The following FGF12 variants were observed in gnomAD, a reference collection of about 807,000 sequenced individuals.
FGF12 encodes the protein fibroblast growth factor 12B.
Under a neutral mutation model 23.6 loss-of-function variants are expected in FGF12, and 14 were observed. The observed-to-expected ratio is 0.59, with a 90% CI of 0.39 to 0.93. The LOEUF is 0.93. Ranked by LOEUF, FGF12 falls within the 40% of genes least tolerant of loss-of-function variation. The pLI, the probability that FGF12 is intolerant of heterozygous loss-of-function variation, is 0.00. For synonymous variants in FGF12, 62 were observed against 77.3 expected (o/e 0.80, Z 1.04); for missense variants, 175 against 217.8 (o/e 0.80, Z 1.24).
chr3:192,220,808 G>T (rs2108572576), intron 4 of FGF12, among the ~76,000 whole-genome samples: 1 of 152,278 alleles, frequency 6.6e-6, no homozygotes, highest in East Asian at 1.9e-4. Context: ...TTCTTTGAAG[G>T]ATTTTTGAAC....
chr3:192,483,151 C>G (rs1401146934), intron 2 of FGF12, among the ~76,000 whole-genome samples: 1 of 152,176 alleles, frequency 6.6e-6, no homozygotes, highest in Non-Finnish European at 1.5e-5. Context: ...ACTTACATAT[C>G]TTGGCTCTTG....
At chr3:192,293,821 T>C in intron 4 of FGF12, among the ~76,000 whole-genome samples, 1 of 152,348 alleles carries the variant, frequency 6.6e-6, no homozygotes, top group East Asian at 1.9e-4. Flanking sequence ...ACAATATAAC[T>C]TTATTTCTTA....
chr3:192,374,377 C>T (rs1396461374), intron 2 of FGF12, among the ~76,000 whole-genome samples: 1 of 152,130 alleles, frequency 6.6e-6, no homozygotes, highest in African/African-American at 2.4e-5. Flanking sequence ...ATAAGATTTT[C>T]TTCTTTAACT....
At chr3:192,707,687 A>C (rs997635621) in intron 2 of FGF12, among the ~76,000 whole-genome samples, 1 of 142,972 alleles carries the variant, frequency 7.0e-6, no homozygotes, top group East Asian at 2.3e-4. Context: ...TGGAGATTGC[A>C]ATAAGCCAAG....
rs556244053 is a variant in FGF12, at chr3:192,602,845, C to T, written c.13+124336G>A. On this transcript the variant is annotated intron_variant, in intron 2 of 5. Transcript: ENST00000445105. ...ACACAAAAAGTCAATTTACTATGAT[C>T]AAGTAAGCTTCTTTCCTAGGAGGCA... is the stretch of plus-strand genomic sequence containing the variant. Among the ~76,000 whole-genome samples the T allele has an allele frequency of 4.6e-5, 7 of 152,092 alleles. No individual in the cohort carries two copies. In the South Asian group the frequency reaches 1.2e-3, roughly 27 times the overall value.
rs1481256848 is a variant in FGF12, at chr3:192,408,802, G to T, written c.14-48264C>A. On this transcript the variant is annotated intron_variant, in intron 2 of 5. Coordinates refer to ENST00000445105, the MANE Select transcript of FGF12 (RefSeq NM_004113.6). The surrounding 1 kb of genome is among the most constrained non-coding windows in gnomAD (Gnocchi z 7.3). ...AGAAAACAAGCCACCAACCGCACGA[G>T]AGAAGGAGAGGAAGGCAGCAATTTA... 8.1e-6 allele frequency: 8 copies of T among 985,932 alleles called. No individual in the cohort carries two copies. The highest frequency in any genetic ancestry group is 9.6e-6 in the Non-Finnish European group (8 of 830,326). 61.1% of individuals were successfully genotyped at this position (985,932 alleles called of 1,614,324 possible).
intron 2 of FGF12, among the ~76,000 whole-genome samples, chr3:192,513,745 T>C (rs1161653470): frequency 6.6e-6 from 1 of 152,224 alleles, no homozygotes; most frequent in Non-Finnish European, 1.5e-5. Context: ...AAGACACTTG[T>C]CTAGATGTAT....
intron 2 of FGF12, among the ~76,000 whole-genome samples, chr3:192,392,918 A>C (rs528942721): frequency 6.6e-6 from 1 of 152,198 alleles, no homozygotes; most frequent in African/African-American, 2.4e-5. Flanking sequence ...AGACTCTGTG[A>C]TTACAATGTT....
Position 192,499,506 on chromosome 3 carries a change from A to G in FGF12, c.14-138968T>C, listed in dbSNP as rs1415473473. Among the ~76,000 whole-genome samples, 183 of 30,382 alleles carry G rather than the reference A, an allele frequency of 6.0e-3. 3 individuals carry two copies. The highest frequency in any genetic ancestry group is 0.023 in the African/African-American group (155 of 6,882). The allele number at this position is 30,382 out of a possible 152,430, so 19.9% of individuals were successfully genotyped here. On this transcript the variant is annotated intron_variant, in intron 2 of 5. Coordinates refer to ENST00000445105, the MANE Select transcript of FGF12 (RefSeq NM_004113.6). Reference sequence around the variant, plus strand: ...GTTGCTAGCATCCATATATATATATATATATATATATTTTTTTTTTTTTTT... The same window carrying G: ...GTTGCTAGCATCCATATATATATATGTATATATATATTTTTTTTTTTTTTT...
At chr3:192,236,669 C>T (rs1489562804) in intron 4 of FGF12, among the ~76,000 whole-genome samples, 1 of 152,048 alleles carries the variant, frequency 6.6e-6, no homozygotes, top group East Asian at 1.9e-4. Context: ...TAATAATAGC[C>T]ACACCTGCTC....
chr3:192,344,125 T>C (rs2108712502), intron 3 of FGF12, among the ~76,000 whole-genome samples: 1 of 152,292 alleles, frequency 6.6e-6, no homozygotes, highest in East Asian at 1.9e-4. Context: ...GTTAACCACT[T>C]TGAGTATTTC....
At chr3:192,573,671 G>T (rs1398955563) in intron 2 of FGF12, among the ~76,000 whole-genome samples, 1 of 152,060 alleles carries the variant, frequency 6.6e-6, no homozygotes, top group East Asian at 1.9e-4. Context: ...TCTCCTATTG[G>T]TTCCAATTCT....
At chr3:192,472,616 A>C (rs1037745384) in intron 2 of FGF12, among the ~76,000 whole-genome samples, 1 of 152,122 alleles carries the variant, frequency 6.6e-6, no homozygotes, top group African/African-American at 2.4e-5. Flanking sequence ...TAATAAGCTA[A>C]AACTCATGAA....
At chr3:192,490,886 G>A (rs555036760) in intron 2 of FGF12, among the ~76,000 whole-genome samples, 2 of 152,130 alleles carry the variant, frequency 1.3e-5, no homozygotes, top group Non-Finnish European at 2.9e-5. Flanking sequence ...GGAGGGCAGT[G>A]ACTGGAAGAA....
intron 4 of FGF12, among the ~76,000 whole-genome samples, chr3:192,243,885 C>G (rs1259429305): frequency 6.6e-6 from 1 of 151,832 alleles, no homozygotes; most frequent in East Asian, 1.9e-4. Flanking sequence ...AAGTGAAAGA[C>G]CAAGATCCAA....
intron 4 of FGF12, among the ~76,000 whole-genome samples, chr3:192,328,574 C>T (rs993206545): frequency 2.0e-5 from 3 of 152,154 alleles, no homozygotes; most frequent in South Asian, 2.1e-4. Flanking sequence ...TTTAATCTGT[C>T]CCTCTCTCAA....
intron 4 of FGF12, among the ~76,000 whole-genome samples, chr3:192,215,135 T>C (rs998763804): frequency 6.6e-6 from 1 of 152,214 alleles, no homozygotes; most frequent in Admixed American, 6.5e-5. Context: ...TGTTCTCCCA[T>C]CAAAGCTTCA....
chr3:192,723,001 T>A (rs1560206146), intron 2 of FGF12, among the ~76,000 whole-genome samples: 1 of 152,076 alleles, frequency 6.6e-6, no homozygotes, highest in Non-Finnish European at 1.5e-5. Context: ...AGTACTTAGG[T>A]CATAGGAATC....
At chr3:192,509,062 G>GTTT (rs111442568) in intron 2 of FGF12, among the ~76,000 whole-genome samples, 1 of 145,486 alleles carries the variant, frequency 6.9e-6, no homozygotes, top group African/African-American at 2.5e-5. Flanking sequence ...ATCCTGAAGG[G>GTTT]TTTTTTTTTT....
Sources: gnomAD v4.1 joint callset for allele counts (sites outside exome capture counted in the v4.1 genomes callset) on GRCh38, gnomAD v4.1.1 for gene constraint, Gnocchi (gnomAD v3.1) non-coding constraint, MANE v1.5 for transcripts, NCBI Gene and HGNC (gene_info 2026-07-23, HGNC 2026-07-21) for gene names.